Variants in GDPD4 observed in about 807,000 individuals in gnomAD.
GDPD4 encodes the protein glycerophosphodiester phosphodiesterase 6.
A neutral mutation model predicts 67.8 loss-of-function variants in GDPD4; 60 were observed. The ratio of observed to expected loss-of-function variants is 0.88; its 90% CI spans 0.72 to 1.10. GDPD4 has a LOEUF of 1.10. Among genes scored for constraint, GDPD4 ranks in the 50% least tolerant of loss-of-function variants. GDPD4 has a pLI of 0.00. For missense variants in GDPD4, 623 were observed against 613.9 expected, an observed-to-expected ratio of 1.01 and a Z score of -0.16; for synonymous variants, 212 against 210.9, an observed-to-expected ratio of 1.00 and a Z score of -0.04.
chr11:77,230,263 T>C lies in GDPD4; in HGVS notation c.1390-1031A>G, dbSNP rs1160143358. On this transcript the variant is annotated intron_variant, in intron 14 of 16. Transcript: ENST00000315938. ...AGATAAGCAGAATGTTCACAAAGAATCAGTTATCCTTGTTTCCCAAATGGC... is the reference window on the plus strand; with the variant it reads ...AGATAAGCAGAATGTTCACAAAGAACCAGTTATCCTTGTTTCCCAAATGGC... Among the ~76,000 whole-genome samples the C allele has an allele frequency of 2.6e-5, 4 of 152,296 alleles. No individual in the cohort carries two copies. The East Asian group carries it at 7.7e-4, about 29-fold the overall frequency.
chr11:77,230,094 G>A (rs1165823749), intron 14 of GDPD4, among the ~76,000 whole-genome samples: 1 of 152,034 alleles, frequency 6.6e-6, no homozygotes, highest in African/African-American at 2.4e-5. Context: ...GCACTTCAGG[G>A]GTATTTACAG....
At position 77,245,148 on chromosome 11, in the gene GDPD4, T is replaced by A. The variant is rs1169440945; in HGVS notation, c.1086+133A>T. On this transcript the variant is annotated intron_variant, in intron 12 of 16. Transcript: ENST00000315938. ...CATGTAGCTGTATAAGTAACAATCT[T>A]CATTTCCATAGGAAGTAAAATTACT... 6 of 672,876 alleles carry A rather than the reference T, an allele frequency of 8.9e-6. No individual in the cohort carries two copies. The Admixed American group carries it at 1.1e-4, about 12-fold the overall frequency. 41.7% of individuals were successfully genotyped at this position (672,876 alleles called of 1,614,324 possible).
At chr11:77,235,326 T>G (rs1376134213) in intron 13 of GDPD4, among the ~76,000 whole-genome samples, 8 of 151,982 alleles carry the variant, frequency 5.3e-5, no homozygotes, top group Non-Finnish European at 1.0e-4. Context: ...AATTAGCAAG[T>G]GGATTATAAG....
rs189740233 is a variant in GDPD4, at chr11:77,257,014, T to C, written c.864+1372A>G. Among the ~76,000 whole-genome samples the C allele has an allele frequency of 5.6e-4, 86 of 152,350 alleles. No individual in the cohort carries two copies. In the East Asian group the frequency reaches 0.016, roughly 28 times the overall value. On this transcript the variant is annotated intron_variant, in intron 11 of 16. Coordinates refer to ENST00000315938, the MANE Select transcript of GDPD4 (RefSeq NM_182833.3). ...CTTTTCCCTATTTTTACATGAAACA[T>C]GATCAAACGGCCCTCAGGATTAACA...
intron 14 of GDPD4, among the ~76,000 whole-genome samples, chr11:77,232,656 C>T (rs1958475662): frequency 6.6e-6 from 1 of 152,204 alleles, no homozygotes; most frequent in African/African-American, 2.4e-5. Flanking sequence ...GGTGGGGCTA[C>T]AGTAACAAAA....
rs1277058019 is a variant in GDPD4, at chr11:77,258,405, T to A, written c.845A>T (p.Lys282Ile). 2.5e-6 allele frequency: 4 copies of A among 1,614,152 alleles called. No individual in the cohort carries two copies. The African/African-American group carries it at 4.0e-5, about 16-fold the overall frequency. Residue 282 changes from lysine (K) to isoleucine (I), a missense_variant, in exon 11 of 17, where the codon AAA (lysine) becomes ATA (isoleucine). Transcript: ENST00000315938. ...WDFLSTLNAG[K>I]WFVKPELRPF... ...TCTTACCTCTGGTTTTACAAACCATTTGCCTGCATTCAGAGTCGATAGGAA... is the reference window on the plus strand; with the variant it reads ...TCTTACCTCTGGTTTTACAAACCATATGCCTGCATTCAGAGTCGATAGGAA...
At chr11:77,252,359 C>T (rs1293639543) in intron 11 of GDPD4, among the ~76,000 whole-genome samples, 3 of 152,030 alleles carry the variant, frequency 2.0e-5, no homozygotes, top group Non-Finnish European at 2.9e-5. Context: ...CCACCACATC[C>T]GGCTGGTTCT....
chr11:77,232,122 T>C (rs1324596338), intron 14 of GDPD4, among the ~76,000 whole-genome samples: 1 of 152,190 alleles, frequency 6.6e-6, no homozygotes, highest in Admixed American at 6.5e-5. Context: ...GCTTTAACTT[T>C]CAAGGCCATT....
rs748511385 is a variant in GDPD4, at chr11:77,271,211, A to C, written c.319T>G (p.Tyr107Asp). Reference protein sequence around the residue: ...AGLSMQIFAPYVHLVSITVMV... With the variant: ...AGLSMQIFAPDVHLVSITVMV... Reference sequence around the variant, plus strand: ...ACAGTTATGCTGACCAGGTGCACGTAGGGAGCAAAGATCTGTGAGAAAGCC... The same window carrying C: ...ACAGTTATGCTGACCAGGTGCACGTCGGGAGCAAAGATCTGTGAGAAAGCC... Residue 107 changes from tyrosine (Y) to aspartate (D), a missense_variant, in exon 7 of 17, where the codon TAC becomes GAC. Tyr to Asp is a radical substitution (Grantham distance 160, BLOSUM62 -3). Coordinates refer to ENST00000315938, the MANE Select transcript of GDPD4 (RefSeq NM_182833.3). 2.2e-5 allele frequency: 36 copies of C among 1,613,114 alleles called. No homozygotes were observed. The highest frequency in any genetic ancestry group is 3.0e-5 in the Non-Finnish European group (35 of 1,179,654).
At chr11:77,292,627 T>A (rs147281074) in intron 1 of GDPD4, among the ~76,000 whole-genome samples, 1,962 of 151,152 alleles carry the variant, frequency 0.013, 16 homozygotes, top group Middle Eastern at 0.017. Flanking sequence ...ATAGAAAAAA[T>A]AGGAAAAAAA....
At chr11:77,257,089 TTTC>T (rs1468302816) in intron 11 of GDPD4, among the ~76,000 whole-genome samples, 1 of 152,126 alleles carries the variant, frequency 6.6e-6, no homozygotes, top group East Asian at 1.9e-4. Flanking sequence ...AAAAATCCCT[TTTC>T]TTTTCCTAAT....
chr11:77,289,804 G>T, intron 1 of GDPD4, among the ~76,000 whole-genome samples: 1 of 125,676 alleles, frequency 8.0e-6, no homozygotes, highest in South Asian at 2.7e-4. Flanking sequence ...AGAGAGAGAA[G>T]GAGGGAGGGA....
intron 11 of GDPD4, among the ~76,000 whole-genome samples, chr11:77,252,122 A>C (rs2156566): frequency 6.9e-6 from 1 of 145,310 alleles, no homozygotes; most frequent in African/African-American, 2.6e-5. Flanking sequence ...GGAGTGCAGT[A>C]GTGTGATCTT....
intron 16 of GDPD4, among the ~76,000 whole-genome samples, chr11:77,223,578 G>C (rs1196825654): frequency 2.0e-5 from 3 of 152,184 alleles, no homozygotes; most frequent in African/African-American, 7.2e-5. Context: ...TTGTCTCAGA[G>C]GGGCACCTGG....
chr11:77,217,442 C>T, intron 16 of GDPD4, 128 bp from the exon 17 acceptor site: 1 of 794,480 alleles, frequency 1.3e-6, no homozygotes, highest in Non-Finnish European at 2.2e-6. Flanking sequence ...TTCCTCCAAG[C>T]TCTCCCCTCT....
chr11:77,255,632 G>T (rs1958988945), intron 11 of GDPD4, among the ~76,000 whole-genome samples: 1 of 152,090 alleles, frequency 6.6e-6, no homozygotes, highest in Non-Finnish European at 1.5e-5. Context: ...AGGCCAAGGT[G>T]GGCAGATCAC....
chr11:77,263,209 C>T (rs776035203), intron 10 of GDPD4, among the ~76,000 whole-genome samples: 44 of 151,984 alleles, frequency 2.9e-4, no homozygotes, highest in Admixed American at 7.9e-4. Context: ...ATGATAAATA[C>T]GTGAGTAAAT....
chr11:77,249,670 G>A (rs1453980730), intron 11 of GDPD4, among the ~76,000 whole-genome samples: 1 of 152,168 alleles, frequency 6.6e-6, no homozygotes, highest in African/African-American at 2.4e-5. Flanking sequence ...GCTCGGGTAG[G>A]AAAACTTGAA....
intron 1 of GDPD4, among the ~76,000 whole-genome samples, chr11:77,299,683 G>A (rs970673022): frequency 6.6e-6 from 1 of 152,214 alleles, no homozygotes; most frequent in Non-Finnish European, 1.5e-5. Flanking sequence ...GTTGGAAGTT[G>A]TCCAAGAGAG....
Sources: allele counts gnomAD v4.1 joint callset (sites outside exome capture counted in the v4.1 genomes callset), GRCh38; gene constraint gnomAD v4.1.1; transcripts MANE v1.5; gene names NCBI Gene and HGNC (gene_info 2026-07-23, HGNC 2026-07-21).